VAT1L: variants seen among roughly 807,000 people sequenced by gnomAD.
VAT1L encodes the protein putative NADPH-dependent quinone oxidoreductase VAT1L.
VAT1L carries 34 observed loss-of-function variants against 44.1 expected under a neutral mutation model. That is an observed-to-expected ratio of 0.77 (90% confidence interval 0.59 to 1.03). VAT1L has a LOEUF of 1.03. VAT1L is among the 50% of genes least tolerant of loss of function. The pLI, the probability that VAT1L is intolerant of heterozygous loss-of-function variation, is 0.00. For synonymous variants in VAT1L, 253 were observed against 202.2 expected, an observed-to-expected ratio of 1.25 and a Z score of -2.13; for missense variants, 615 against 538.8, an observed-to-expected ratio of 1.14 and a Z score of -1.40.
chr16:77,962,731 A>AAGGAAG lies in VAT1L; in HGVS notation c.1078-9119_1078-9118insAGGAAG, dbSNP rs1567523591. 6.4e-5 allele frequency among the ~76,000 whole-genome samples: 3 copies of AAGGAAG among 46,692 alleles called. No homozygotes were observed. In the East Asian group the frequency reaches 1.6e-3, roughly 25 times the overall value. The allele number at this position is 46,692 out of a possible 152,430, so 30.6% of individuals were successfully genotyped here. ...GACCTTTTCTCTACAAAAGAAGGAAAGAAGGAAAGAAGGAAGGAAGGAAGG... is the reference window on the plus strand; with the variant it reads ...GACCTTTTCTCTACAAAAGAAGGAAAAGGAAGGAAGGAAAGAAGGAAGGAAGGAAGG... On this transcript the variant is annotated intron_variant, in intron 7 of 8. Transcript: ENST00000302536.
At chr16:77,924,911 C>T (rs1359566310) in intron 7 of VAT1L, among the ~76,000 whole-genome samples, 1 of 152,142 alleles carries the variant, frequency 6.6e-6, no homozygotes, top group Non-Finnish European at 1.5e-5. Context: ...TGTACCTTTT[C>T]ATTTTACTAA....
chr16:77,942,682 G>A (rs2017903237), intron 7 of VAT1L, among the ~76,000 whole-genome samples: 1 of 152,192 alleles, frequency 6.6e-6, no homozygotes, highest in African/African-American at 2.4e-5. Flanking sequence ...TACATGTGCA[G>A]ATAGAGCAGT....
chr16:77,886,241 G>A (rs752585110), intron 7 of VAT1L, among the ~76,000 whole-genome samples: 9 of 152,108 alleles, frequency 5.9e-5, no homozygotes, highest in Non-Finnish European at 1.0e-4. Flanking sequence ...TTCTTTAAAT[G>A]TTTTTAATTC....
At chr16:77,958,161 C>G (rs1002917697) in intron 7 of VAT1L, among the ~76,000 whole-genome samples, 29 of 152,254 alleles carry the variant, frequency 1.9e-4, no homozygotes, top group East Asian at 3.9e-4. Context: ...ACCTGCCCAG[C>G]CTCCCTAAGT....
At chr16:77,880,450 G>A (rs182571270) in intron 6 of VAT1L, among the ~76,000 whole-genome samples, 388 of 152,034 alleles carry the variant, frequency 2.6e-3, no homozygotes, top group Non-Finnish European at 4.2e-3. Context: ...GTGAGCCATC[G>A]TACTCGGCCA....
At chr16:77,889,153 A>G (rs1451018801) in intron 7 of VAT1L, among the ~76,000 whole-genome samples, 2 of 152,198 alleles carry the variant, frequency 1.3e-5, no homozygotes, top group Non-Finnish European at 2.9e-5. Context: ...TTCTCAATCC[A>G]GCTCTATAAC....
intron 3 of VAT1L, among the ~76,000 whole-genome samples, chr16:77,849,684 A>G (rs2016789761): frequency 6.6e-6 from 1 of 152,226 alleles, no homozygotes; most frequent in Non-Finnish European, 1.5e-5. Flanking sequence ...GGTGAAATGA[A>G]TAGAACTAAA....
At chr16:77,897,128 C>T (rs1321073462) in intron 7 of VAT1L, among the ~76,000 whole-genome samples, 1 of 152,182 alleles carries the variant, frequency 6.6e-6, no homozygotes, top group African/African-American at 2.4e-5. Context: ...GATAACTGTG[C>T]TGCAGACCAA....
chr16:77,860,100 G>A (rs534362743), intron 3 of VAT1L, among the ~76,000 whole-genome samples: 50 of 152,272 alleles, frequency 3.3e-4, no homozygotes, highest in Non-Finnish European at 6.0e-4. Context: ...TCTACAAGCC[G>A]AGGAGAAAGG....
In VAT1L at chr16:77,954,216, G is replaced by T. The variant is rs140788550; in HGVS notation, c.1078-17634G>T. Among the ~76,000 whole-genome samples, 523 of 152,316 alleles carry T rather than the reference G, an allele frequency of 3.4e-3. 1 individual carries two copies. Among genetic ancestry groups the T allele is most frequent in the Middle Eastern group, 0.01 (3 of 294 alleles). On this transcript the variant is annotated intron_variant, in intron 7 of 8. Transcript: ENST00000302536. ...TTGCGCAGAACCAAAGCTGAGATCC[G>T]ATTTCTTGTCTGTTGCCCTGGAGTG...
At chr16:77,853,587 C>T (rs1382643648) in intron 3 of VAT1L, among the ~76,000 whole-genome samples, 1 of 152,096 alleles carries the variant, frequency 6.6e-6, no homozygotes, top group Non-Finnish European at 1.5e-5. Flanking sequence ...CAGTGATTCT[C>T]AGCTTGAGCT....
intron 1 of VAT1L, chr16:77,800,034 T>A (rs1201103108): frequency 1.3e-5 from 2 of 152,184 alleles, no homozygotes; most frequent in East Asian, 3.9e-4. Context: ...CCCTTCCTCA[T>A]CTCAGCTTTC....
chr16:77,865,522 G>A (rs1404579670), intron 4 of VAT1L, among the ~76,000 whole-genome samples: 1 of 152,166 alleles, frequency 6.6e-6, no homozygotes, highest in Non-Finnish European at 1.5e-5. Context: ...TCTTAACGGA[G>A]GGAGAGGGGA....
intron 3 of VAT1L, among the ~76,000 whole-genome samples, chr16:77,828,401 C>T (rs374872445): frequency 2.6e-5 from 4 of 152,096 alleles, no homozygotes; most frequent in East Asian, 1.9e-4. Flanking sequence ...CGGTGGCTCA[C>T]GCCTGTAATC....
intron 1 of VAT1L, among the ~76,000 whole-genome samples, chr16:77,808,313 A>T (rs2016200072): frequency 1.3e-5 from 2 of 152,010 alleles, no homozygotes; most frequent in Admixed American, 1.3e-4. Flanking sequence ...TCACCCCCAG[A>T]TGGGACCGTC....
intron 7 of VAT1L, among the ~76,000 whole-genome samples, chr16:77,911,969 C>T (rs2017504189): frequency 6.6e-6 from 1 of 152,192 alleles, no homozygotes; most frequent in African/African-American, 2.4e-5. Context: ...AATATTTAGA[C>T]ATATGACACA....
At chr16:77,916,080 T>C (rs566800058) in intron 7 of VAT1L, among the ~76,000 whole-genome samples, 2 of 152,334 alleles carry the variant, frequency 1.3e-5, no homozygotes, top group South Asian at 4.1e-4. Flanking sequence ...TCTGGCCTGC[T>C]GTGCAGGCAG....
intron 7 of VAT1L, among the ~76,000 whole-genome samples, chr16:77,924,713 C>G (rs772634689): frequency 6.6e-6 from 1 of 152,188 alleles, no homozygotes; most frequent in African/African-American, 2.4e-5. Flanking sequence ...CCTGCCTTGG[C>G]CTCCCAAAGT....
At chr16:77,974,258 C>T (rs1480013588) in intron 8 of VAT1L, among the ~76,000 whole-genome samples, 1 of 152,138 alleles carries the variant, frequency 6.6e-6, no homozygotes, top group Non-Finnish European at 1.5e-5. Context: ...TCCTGTACAC[C>T]TCTTTGTAGT....
Sources: allele counts gnomAD v4.1 joint callset (sites outside exome capture counted in the v4.1 genomes callset), GRCh38; gene constraint gnomAD v4.1.1; transcripts MANE v1.5; gene names NCBI Gene and HGNC (gene_info 2026-07-23, HGNC 2026-07-21).